Variants in MAN2A1 observed in about 807,000 individuals in gnomAD.
MAN2A1 encodes the protein mannosidase alpha class 2A member 1, also known as alpha-mannosidase 2.
A neutral mutation model predicts 142.6 loss-of-function variants in MAN2A1; 76 were observed. The observed-to-expected ratio is 0.53, with a 90% CI of 0.44 to 0.65. The LOEUF is 0.65. Ranked by LOEUF, MAN2A1 falls within the 30% of genes least tolerant of loss-of-function variation. The pLI, the probability that MAN2A1 is intolerant of heterozygous loss-of-function variation, is 0.00. For missense variants in MAN2A1, 1,311 were observed against 1,365.1 expected (o/e 0.96, Z 0.62); for synonymous variants, 559 against 473.2 (o/e 1.18, Z -2.35).
intron 8 of MAN2A1, 93 bp downstream of exon 8, chr5:109,775,058 C>A: frequency 1.3e-6 from 1 of 770,682 alleles, no homozygotes; most frequent in Non-Finnish European, 2.1e-6. Context: ...CTTTGTCCTA[C>A]ATCACAGTGC....
chr5:109,726,291 T>C (rs997468258), intron 3 of MAN2A1, among the ~76,000 whole-genome samples: 1 of 152,182 alleles, frequency 6.6e-6, no homozygotes, highest in East Asian at 1.9e-4. Flanking sequence ...TAATATACAA[T>C]TGTAGTTTTT....
At chr5:109,751,829 T>G (rs1196279590) in intron 4 of MAN2A1, among the ~76,000 whole-genome samples, 2 of 152,140 alleles carry the variant, frequency 1.3e-5, no homozygotes, top group Non-Finnish European at 2.9e-5. Flanking sequence ...TTCCTTCAGC[T>G]TGATCTTTGA....
intron 16 of MAN2A1, among the ~76,000 whole-genome samples, chr5:109,841,374 A>G (rs950240809): frequency 1.3e-5 from 2 of 152,164 alleles, no homozygotes; most frequent in African/African-American, 2.4e-5. Context: ...TAGCTCCCAC[A>G]TATCAGTGAG....
intron 19 of MAN2A1, among the ~76,000 whole-genome samples, chr5:109,849,677 T>C (rs917436623): frequency 2.0e-5 from 3 of 152,180 alleles, no homozygotes; most frequent in Non-Finnish European, 4.4e-5. Context: ...GCCGTATGTC[T>C]GTTCTTAACC....
At chr5:109,809,725 G>T (rs377109713) in intron 12 of MAN2A1, among the ~76,000 whole-genome samples, 1 of 152,042 alleles carries the variant, frequency 6.6e-6, no homozygotes, top group African/African-American at 2.4e-5. Context: ...TATTTTCTCC[G>T]TTTGGGGATC....
intron 3 of MAN2A1, among the ~76,000 whole-genome samples, chr5:109,720,866 C>T (rs1403107534): frequency 6.6e-6 from 1 of 152,078 alleles, no homozygotes; most frequent in Non-Finnish European, 1.5e-5. Context: ...AGATGGTCAT[C>T]GGAAGGAGAA....
chr5:109,849,784 A>T (rs1159256377), intron 19 of MAN2A1, among the ~76,000 whole-genome samples: 14 of 151,628 alleles, frequency 9.2e-5, no homozygotes, highest in Admixed American at 9.2e-4. Context: ...CATTGCTATC[A>T]GTATAAAAGT....
At chr5:109,712,892 T>C (rs1184885457) in intron 1 of MAN2A1, among the ~76,000 whole-genome samples, 2 of 152,222 alleles carry the variant, frequency 1.3e-5, no homozygotes, top group Non-Finnish European at 2.9e-5. Flanking sequence ...ACGAGGTTTA[T>C]GTTACAGAGA....
intron 6 of MAN2A1, among the ~76,000 whole-genome samples, chr5:109,768,345 C>T (rs1465823731): frequency 6.6e-6 from 1 of 152,154 alleles, no homozygotes; most frequent in Non-Finnish European, 1.5e-5. Flanking sequence ...TATTATGGGC[C>T]ATGTATTATG....
chr5:109,727,831 A>T (rs138273712), intron 3 of MAN2A1, among the ~76,000 whole-genome samples: 2 of 152,164 alleles, frequency 1.3e-5, no homozygotes, highest in Non-Finnish European at 2.9e-5. Flanking sequence ...CCAGAGGTGG[A>T]TCCTGGCTCA....
At chr5:109,856,624 C>T (rs974829362) in intron 20 of MAN2A1, among the ~76,000 whole-genome samples, 1 of 152,186 alleles carries the variant, frequency 6.6e-6, no homozygotes, top group Non-Finnish European at 1.5e-5. Context: ...GACAGAATGG[C>T]CCCCTGGTTT....
intron 3 of MAN2A1, among the ~76,000 whole-genome samples, chr5:109,723,272 G>C (rs1582824876): frequency 6.6e-6 from 1 of 152,230 alleles, no homozygotes; most frequent in Non-Finnish European, 1.5e-5. Context: ...GATATGCTTA[G>C]AAAACTATTA....
chr5:109,839,158 G>A (rs918593348), intron 16 of MAN2A1, among the ~76,000 whole-genome samples: 19 of 152,148 alleles, frequency 1.2e-4, no homozygotes, highest in African/African-American at 4.6e-4. Flanking sequence ...AGTATTACGT[G>A]AATACTATCA....
chr5:109,803,790 AATG>A (rs1317008929), intron 12 of MAN2A1, among the ~76,000 whole-genome samples: 2 of 152,076 alleles, frequency 1.3e-5, no homozygotes, highest in African/African-American at 4.8e-5. Context: ...ATAAATTTTG[AATG>A]ATTCTGTTTT....
At chr5:109,759,436 T>C (rs1367595727) in intron 5 of MAN2A1, among the ~76,000 whole-genome samples, 1 of 152,204 alleles carries the variant, frequency 6.6e-6, no homozygotes, top group Non-Finnish European at 1.5e-5. Flanking sequence ...CATGAAGTTT[T>C]TGGGATTCAT....
At chr5:109,748,963 A>C (rs981164574) in intron 4 of MAN2A1, among the ~76,000 whole-genome samples, 1 of 151,616 alleles carries the variant, frequency 6.6e-6, no homozygotes, top group African/African-American at 2.4e-5. Context: ...TCTGATTAGC[A>C]GAATGTCTTT....
intron 16 of MAN2A1, among the ~76,000 whole-genome samples, chr5:109,826,417 A>T (rs1161803814): frequency 1.3e-5 from 2 of 152,076 alleles, no homozygotes; most frequent in Non-Finnish European, 2.9e-5. Context: ...TTTTCATTCT[A>T]GTCCGGATCA....
intron 4 of MAN2A1, among the ~76,000 whole-genome samples, chr5:109,742,514 C>T (rs964468092): frequency 1.3e-5 from 2 of 152,142 alleles, no homozygotes; most frequent in African/African-American, 2.4e-5. Flanking sequence ...CTGCTTGCTT[C>T]TTGAAATCAG....
At chr5:109,768,985 C>T (rs980422703) in intron 6 of MAN2A1, among the ~76,000 whole-genome samples, 1 of 152,142 alleles carries the variant, frequency 6.6e-6, no homozygotes, top group African/African-American at 2.4e-5. Context: ...AAATTCCAGT[C>T]TAATTTGATA....
Sources: gnomAD v4.1 joint callset for allele counts (sites outside exome capture counted in the v4.1 genomes callset) on GRCh38, gnomAD v4.1.1 for gene constraint, MANE v1.5 for transcripts, NCBI Gene and HGNC (gene_info 2026-07-23, HGNC 2026-07-21) for gene names.